FAM161A: variants seen among roughly 807,000 people sequenced by gnomAD.
The protein encoded by FAM161A is FAM161 centrosomal protein A, also known as protein FAM161A.
Under a neutral mutation model 70.9 loss-of-function variants are expected in FAM161A, and 57 were observed. That is an observed-to-expected ratio of 0.80 (90% CI 0.65 to 1.00). FAM161A has a LOEUF of 1.00. FAM161A is among the 50% of genes least tolerant of loss of function. FAM161A has a pLI of 0.00. For missense variants in FAM161A, 880 were observed against 836.0 expected, an observed-to-expected ratio of 1.05 and a Z score of -0.65; for synonymous variants, 299 against 295.7, an observed-to-expected ratio of 1.01 and a Z score of -0.12.
the FAM161A span, among the ~76,000 whole-genome samples, chr2:61,813,216 A>C: frequency 2.0e-5 from 3 of 152,050 alleles, no homozygotes; most frequent in Admixed American, 2.0e-4. Flanking sequence ...GCTGAAGATC[A>C]CTTGAGCCCA....
At position 61,848,954 on chromosome 2, in the gene FAM161A, ATATATATTTATATATATATATATT is replaced by A. The variant is rs1673364042; in HGVS notation, c.183+4881_183+4904del. On this transcript the variant is annotated intron_variant, in intron 1 of 6. Transcript: ENST00000404929. ...TATATATATATTTATATATATTTAT[ATATATATTTATATATATATATATT>A]TATATATTTATATATATTTATATAT... 2.7e-3 allele frequency among the ~76,000 whole-genome samples: 6 copies of A among 2,254 alleles called. 1 individual carries two copies. Among genetic ancestry groups the A allele is most frequent in the East Asian group, 0.062 (1 of 16 alleles). 1.5% of individuals were successfully genotyped at this position (2,254 alleles called of 152,430 possible).
chr2:61,838,051 T>G (rs1188797718), intron 4 of FAM161A, among the ~76,000 whole-genome samples: 1 of 152,222 alleles, frequency 6.6e-6, no homozygotes, highest in South Asian at 2.1e-4. Flanking sequence ...GTGAAGGGGT[T>G]CTAAGAATTC....
At chr2:61,833,294 C>T (rs540924564) in intron 5 of FAM161A, among the ~76,000 whole-genome samples, 14 of 151,844 alleles carry the variant, frequency 9.2e-5, no homozygotes, top group South Asian at 2.1e-4. Context: ...GGCACGGTGG[C>T]GCGCACCTGT....
At chr2:61,807,652 T>TTG in the FAM161A span, among the ~76,000 whole-genome samples, 1 of 148,846 alleles carries the variant, frequency 6.7e-6, no homozygotes, top group Non-Finnish European at 1.5e-5. Flanking sequence ...TTTTTTTTTT[T>TTG]TTGTTGAGAC....
chr2:61,817,998 A>T, the FAM161A span, among the ~76,000 whole-genome samples: 2 of 152,000 alleles, frequency 1.3e-5, no homozygotes, highest in African/African-American at 4.8e-5. Context: ...AACAAGAAGC[A>T]TATATGTTTC....
rs536991715 is a variant in FAM161A at position 61,832,417 on chromosome 2, A to G, written c.1851+3593T>C. ...AATGCAGATTTGGAAGATAAATTTG[A>G]GGAAATCTTCCAGAACTAGAATAAA... On this transcript the variant is annotated intron_variant, in intron 5 of 6. Coordinates refer to ENST00000404929, the MANE Select transcript of FAM161A (RefSeq NM_001201543.2). Among the ~76,000 whole-genome samples, 20 of 152,344 alleles carry G rather than the reference A, an allele frequency of 1.3e-4. No homozygotes were observed. The South Asian group carries it at 2.5e-3, about 19-fold the overall frequency.
downstream of FAM161A, among the ~76,000 whole-genome samples, chr2:61,823,387 T>TATA (rs1558470717): frequency 9.9e-5 from 11 of 110,848 alleles, no homozygotes; most frequent in African/African-American, 2.7e-4. Flanking sequence ...ATATATATAT[T>TATA]GAGTCAGGGT....
At chr2:61,832,367 G>A (rs1447873231) in intron 5 of FAM161A, among the ~76,000 whole-genome samples, 2 of 151,976 alleles carry the variant, frequency 1.3e-5, no homozygotes, top group Non-Finnish European at 2.9e-5. Context: ...TGGAAATTAT[G>A]TCATTTTTCA....
At chr2:61,805,939 C>T in the FAM161A span, among the ~76,000 whole-genome samples, 1 of 152,046 alleles carries the variant, frequency 6.6e-6, no homozygotes, top group African/African-American at 2.4e-5. Flanking sequence ...TGTTCTCAGC[C>T]AGATGTGGTG....
the FAM161A span, among the ~76,000 whole-genome samples, chr2:61,818,663 AAG>A: frequency 2.5e-4 from 38 of 152,344 alleles, no homozygotes; most frequent in African/African-American, 7.0e-4. Context: ...CCTCACATAA[AAG>A]AGACTGGGAA....
At chr2:61,807,568 A>C in the FAM161A span, among the ~76,000 whole-genome samples, 1 of 150,692 alleles carries the variant, frequency 6.6e-6, no homozygotes, top group Non-Finnish European at 1.5e-5. Flanking sequence ...TAGGCTCTGC[A>C]AAGTGGGGGA....
Position 61,840,017 on chromosome 2 carries a change from T to A in FAM161A, c.987A>T (p.Ala329=). The A allele has an allele frequency of 6.2e-7, 1 of 1,614,218 alleles. No individual in the cohort carries two copies. Among genetic ancestry groups the A allele is most frequent in the Non-Finnish European group, 8.5e-7 (1 of 1,180,038 alleles). Reference sequence around the variant, plus strand: ...GGGCTGCTCGCTTCTGTTCCTCCCTTGCTATAAATTTAAATGGCTTTTGTG... The same window carrying A: ...GGGCTGCTCGCTTCTGTTCCTCCCTAGCTATAAATTTAAATGGCTTTTGTG... ...LASQKPFKFI[A]REEQKRAARE... The change falls in exon 3 of 7, where the codon GCA becomes GCT. Residue 329 remains alanine, a synonymous_variant. Transcript: ENST00000404929.
chr2:61,826,631 G>C, intron 6 of FAM161A, 32 bp from the exon 7 acceptor site: 1 of 1,584,682 alleles, frequency 6.3e-7, no homozygotes, highest in Non-Finnish European at 8.6e-7. Flanking sequence ...TCTTTCAAAG[G>C]AAAAATGAGT....
intron 5 of FAM161A, among the ~76,000 whole-genome samples, chr2:61,830,938 G>A (rs765526656): frequency 2.0e-5 from 3 of 151,168 alleles, no homozygotes; most frequent in South Asian, 2.1e-4. Context: ...ATGAAACTTC[G>A]TCTTGACTAA....
At chr2:61,808,729 G>T in the FAM161A span, among the ~76,000 whole-genome samples, 1 of 152,160 alleles carries the variant, frequency 6.6e-6, no homozygotes, top group Admixed American at 6.6e-5. Flanking sequence ...AAGGTAAATT[G>T]CTACTCTTTG....
At chr2:61,832,032 C>A (rs1207753997) in intron 5 of FAM161A, among the ~76,000 whole-genome samples, 3 of 151,870 alleles carry the variant, frequency 2.0e-5, no homozygotes, top group African/African-American at 7.3e-5. Flanking sequence ...TTTCTTGAGC[C>A]CAGGAGCTTA....
Position 61,839,489 on chromosome 2 carries a change from G to T in FAM161A, c.1515C>A (p.Asn505Lys). The change falls in exon 3 of 7, where the codon AAC (asparagine) becomes AAA (lysine). Residue 505 changes from asparagine to lysine, a missense_variant. Asn to Lys is a moderately conservative substitution (Grantham distance 94). Transcript: ENST00000404929. ...GAGGGTTGCAGTTACAAGGCACAGG[G>T]TTTACACCTGCACATCTTACTGGTG... The part of the protein sequence containing the change: ...RKSPVRCAGV[N>K]PVPCNCNPPV... 1 of 1,614,150 alleles carries T rather than the reference G, an allele frequency of 6.2e-7. No individual in the cohort carries two copies. The highest frequency in any genetic ancestry group is 8.5e-7 in the Non-Finnish European group (1 of 1,180,032).
rs775782170 is a variant in FAM161A, at chr2:61,839,868, T to C, written c.1136A>G (p.Tyr379Cys). The C allele has an allele frequency of 1.4e-5, 23 of 1,614,248 alleles. No homozygotes were observed. Among genetic ancestry groups the C allele is most frequent in the Admixed American group, 3.3e-5 (2 of 60,028 alleles). Residue 379 changes from tyrosine to cysteine, a missense_variant, in exon 3 of 7, where the codon TAT (tyrosine) becomes TGT (cysteine). Coordinates refer to ENST00000404929, the MANE Select transcript of FAM161A (RefSeq NM_001201543.2). ...TCTCAGCTGTGTCCTAAGGTTTCGA[T>C]AGAGCTCTTCTTCTTTTAACTTGTC... ...TNDKLKEEEL[Y>C]RNLRTQLRAQ... is the part of the protein sequence containing the mutation.
At chr2:61,828,474 G>A (rs537313760) in intron 5 of FAM161A, among the ~76,000 whole-genome samples, 7 of 152,168 alleles carry the variant, frequency 4.6e-5, no homozygotes, top group South Asian at 2.1e-4. Context: ...GACCATAGGC[G>A]CGTGCCACCA....
Sources: allele counts gnomAD v4.1 joint callset (sites outside exome capture counted in the v4.1 genomes callset), GRCh38; gene constraint gnomAD v4.1.1; transcripts MANE v1.5; gene names NCBI Gene and HGNC (gene_info 2026-07-23, HGNC 2026-07-21).